Variants in WDR1 observed in about 807,000 individuals in gnomAD.
WDR1 encodes WD repeat domain 1.
Under a neutral mutation model 71.9 loss-of-function variants are expected in WDR1, and 21 were observed. The ratio of observed to expected loss-of-function variants is 0.29; its 90% CI spans 0.21 to 0.42. The LOEUF (loss-of-function observed/expected upper bound fraction) is 0.42. WDR1 is among the 10% of genes least tolerant of loss of function. WDR1 has a pLI of 1.00. For missense variants in WDR1, 696 were observed against 824.5 expected (o/e 0.84, Z 1.91); for synonymous variants, 424 against 347.4 (o/e 1.22, Z -2.45).
chr4:10,081,745 C>CCAGATGTG (rs1196456449), intron 10 of WDR1, among the ~76,000 whole-genome samples: 2 of 151,954 alleles, frequency 1.3e-5, no homozygotes, highest in Non-Finnish European at 2.9e-5. Context: ...CTCATTACAC[C>CCAGATGTG]CAGATGTGGC....
intron 8 of WDR1, among the ~76,000 whole-genome samples, chr4:10,085,122 CA>C (rs1405956404): frequency 6.6e-6 from 1 of 152,246 alleles, no homozygotes; most frequent in Non-Finnish European, 1.5e-5. Context: ...CACAACCAGA[CA>C]GCTGCTTCCA....
chr4:10,116,382 C>G, intron 1 of WDR1, 148 bp from the exon 2 acceptor site: 1 of 1,220,588 alleles, frequency 8.2e-7, no homozygotes, highest in Non-Finnish European at 1.1e-6. Flanking sequence ...CGCCAGGAAC[C>G]GCGCGACTTC....
Position 10,116,668 on chromosome 4 carries a change from C to T in WDR1, c.-2G>A, listed in dbSNP as rs1347194677. 1.5e-6 allele frequency: 2 copies of T among 1,349,620 alleles called. No homozygotes were observed. Among genetic ancestry groups the T allele is most frequent in the East Asian group, 3.2e-5 (1 of 31,256 alleles). The allele number at this position is 1,349,620 out of a possible 1,614,324, so 83.6% of individuals were successfully genotyped here. ...GCACTTACTGATCTCGTACGGCATC[C>T]TCGCCCACTTGTTACCGCGCCGCGC... On this transcript the variant is annotated 5_prime_UTR_variant, in exon 1 of 15. Transcript: ENST00000499869.
At chr4:10,082,934 C>A in intron 10 of WDR1, 88 bp downstream of exon 10, 1 of 1,493,144 alleles carries the variant, frequency 6.7e-7, no homozygotes, top group Non-Finnish European at 9.0e-7. Flanking sequence ...AGTGAGGCGT[C>A]CTCCAGAACA....
chr4:10,099,398 T>A (rs1371917915), intron 3 of WDR1, among the ~76,000 whole-genome samples: 1 of 152,244 alleles, frequency 6.6e-6, no homozygotes, highest in Non-Finnish European at 1.5e-5. Flanking sequence ...CCAGAAATCT[T>A]GCCAGAAATC....
intron 2 of WDR1, among the ~76,000 whole-genome samples, chr4:10,115,347 T>C (rs1713645899): frequency 6.6e-6 from 1 of 152,238 alleles, no homozygotes; most frequent in Non-Finnish European, 1.5e-5. Flanking sequence ...CCCAAGGAGC[T>C]GGCTCTAGAA....
chr4:10,081,673 G>GA (rs1765020444), intron 10 of WDR1, among the ~76,000 whole-genome samples: 1 of 122,168 alleles, frequency 8.2e-6, no homozygotes, highest in South Asian at 3.4e-4. Flanking sequence ...TGGGGGGGGG[G>GA]GAAGGAGGGG....
intron 3 of WDR1, 22 bp from the exon 4 acceptor site, chr4:10,099,161 GGAGGGGGGGAGGCGGTGGT>G: frequency 7.0e-7 from 1 of 1,431,252 alleles, no homozygotes; most frequent in Non-Finnish European, 9.7e-7. Flanking sequence ...AGCGGGCGGG[GGAGGGGGGGAGGCGGTGGT>G]GGGGTAAAGG....
intron 5 of WDR1, among the ~76,000 whole-genome samples, chr4:10,097,016 C>T (rs1211641502): frequency 6.6e-6 from 1 of 152,224 alleles, no homozygotes; most frequent in Admixed American, 6.5e-5. Context: ...AAATGGGCAT[C>T]ACAGATGCTC....
At position 10,108,632 on chromosome 4, in the gene WDR1, G is replaced by A. The variant is rs1713165492; in HGVS notation, c.139-4646C>T. On this transcript the variant is annotated intron_variant, in intron 2 of 14. Coordinates refer to ENST00000499869, the MANE Select transcript of WDR1 (RefSeq NM_017491.5). ...GCTGTTACTGCTGTAACTGACCTGT[G>A]CAAATATAACTGGCCAGGGCCCTTA... 2.6e-5 allele frequency among the ~76,000 whole-genome samples: 4 copies of A among 152,224 alleles called. No individual in the cohort carries two copies. The South Asian group carries it at 8.3e-4, about 32-fold the overall frequency.
intron 4 of WDR1, among the ~76,000 whole-genome samples, chr4:10,098,667 A>G (rs1254972732): frequency 6.6e-6 from 1 of 152,198 alleles, no homozygotes; most frequent in Non-Finnish European, 1.5e-5. Flanking sequence ...AGGGACCCCG[A>G]ATAGAAGTGC....
intron 8 of WDR1, 22 bp from the exon 9 acceptor site, chr4:10,084,552 C>T (rs958150460): frequency 9.9e-6 from 16 of 1,611,060 alleles, no homozygotes; most frequent in African/African-American, 9.4e-5. Flanking sequence ...ACACACTGGG[C>T]GGGTAAGCTG....
At position 10,074,976 on chromosome 4, in the gene WDR1, C is replaced by CA. The variant is rs1764742645; in HGVS notation, c.*401_*402insT. The CA allele has an allele frequency of 3.9e-6, 1 of 256,938 alleles. No individual in the cohort carries two copies. The highest frequency in any genetic ancestry group is 2.2e-5 in the African/African-American group (1 of 45,504). The allele number at this position is 256,938 out of a possible 1,614,324, so 15.9% of individuals were successfully genotyped here. A position where few individuals can be genotyped will look rare whatever the true frequency, so the allele number is the denominator to read the frequency against. On this transcript the variant is annotated 3_prime_UTR_variant, in exon 15 of 15. Coordinates refer to ENST00000499869, the MANE Select transcript of WDR1 (RefSeq NM_017491.5). Reference sequence around the variant, plus strand: ...CTCTTCTCACTAGTACAGAAATGTTCTGCAGGCAGGAACATGAGCCCCCCG... The same window carrying CA: ...CTCTTCTCACTAGTACAGAAATGTTCATGCAGGCAGGAACATGAGCCCCCCG...
intron 7 of WDR1, 149 bp from the exon 8 acceptor site, chr4:10,088,089 C>G (rs991964526): frequency 1.1e-6 from 1 of 888,716 alleles, no homozygotes; most frequent in Admixed American, 2.4e-5. Context: ...GGACAACACC[C>G]GCCTCCAGGT....
Position 10,094,034 on chromosome 4 carries a change from C to T in WDR1, c.558+3677G>A, listed in dbSNP as rs951637949. On this transcript the variant is annotated intron_variant, in intron 5 of 14. Transcript: ENST00000499869. ...GGAGAACTATGTGAGGTATGAGGTC[C>T]CCGCAGGGCAGAGGCAATGGAACAG... is the stretch of plus-strand genomic sequence containing the variant. Among the ~76,000 whole-genome samples the T allele has an allele frequency of 2.6e-5, 4 of 152,220 alleles. No individual in the cohort carries two copies. The South Asian group carries it at 8.3e-4, about 31-fold the overall frequency.
At chr4:10,080,581 C>T (rs1369578553) in intron 11 of WDR1, among the ~76,000 whole-genome samples, 1 of 152,378 alleles carries the variant, frequency 6.6e-6, no homozygotes, top group East Asian at 1.9e-4. Context: ...CTGAAAGCAG[C>T]TTTCTTTAGC....
Position 10,088,338 on chromosome 4 carries a change from C to G in WDR1, c.672G>C (p.Val224=). ...YIYDGKTGEK[V]CALGGSKAHD... is the part of the protein sequence containing the mutation. Reference sequence around the variant, plus strand: ...GGGCCTTGCTTCCGCCCAGCGCGCACACCTTCTCCCCAGTCTTCCCGTCAT... The same window carrying G: ...GGGCCTTGCTTCCGCCCAGCGCGCAGACCTTCTCCCCAGTCTTCCCGTCAT... Residue 224 remains valine (V), a synonymous_variant, in exon 7 of 15, where the codon GTG becomes GTC. Transcript: ENST00000499869. The G allele has an allele frequency of 6.4e-7, 1 of 1,559,548 alleles. No individual in the cohort carries two copies.
chr4:10,092,168 C>CT (rs1172076623), intron 5 of WDR1: 1 of 111,714 alleles, frequency 9.0e-6, no homozygotes, highest in African/African-American at 2.8e-5. Flanking sequence ...AGGGAGATGG[C>CT]TGGGCCTGGC....
Position 10,116,250 on chromosome 4 carries a change from T to G in WDR1, c.17-16A>C, listed in dbSNP as rs774436093. The G allele has an allele frequency of 6.2e-7, 1 of 1,612,860 alleles. No individual in the cohort carries two copies. Among genetic ancestry groups the G allele is most frequent in the Non-Finnish European group, 8.5e-7 (1 of 1,179,630 alleles). ...AACACCTTCTCTGCGGAGACACAAA[T>G]GCGGCGGGGCATGTCAGGGCAGGGC... On this transcript the variant is annotated splice_polypyrimidine_tract_variant and intron_variant, in intron 1 of 14. Transcript: ENST00000499869.
Sources: gnomAD v4.1 joint callset for allele counts (sites outside exome capture counted in the v4.1 genomes callset) on GRCh38, gnomAD v4.1.1 for gene constraint, MANE v1.5 for transcripts, NCBI Gene and HGNC (gene_info 2026-07-23, HGNC 2026-07-21) for gene names.